Variants in CDC73 observed in about 807,000 individuals in gnomAD.
The protein encoded by CDC73 is parafibromin.
CDC73 carries 21 observed loss-of-function variants against 83.7 expected under a neutral mutation model. That is an observed-to-expected ratio of 0.25 (90% CI 0.18 to 0.36). The LOEUF (loss-of-function observed/expected upper bound fraction) is 0.36. Among genes scored for constraint, CDC73 ranks in the 10% least tolerant of loss-of-function variants. The pLI, the probability that CDC73 is intolerant of heterozygous loss-of-function variation, is 1.00. For missense variants in CDC73, 342 were observed against 653.3 expected (o/e 0.52, Z 5.19); for synonymous variants, 224 against 212.9 (o/e 1.05, Z -0.45).
At chr1:193,238,147 A>G (rs550487977) in intron 15 of CDC73, among the ~76,000 whole-genome samples, 513 of 152,296 alleles carry the variant, frequency 3.4e-3, no homozygotes, top group Non-Finnish European at 5.7e-3. Context: ...GAATTTAGAG[A>G]ATTTTAACAA....
intron 3 of CDC73, among the ~76,000 whole-genome samples, chr1:193,134,844 G>T (rs569596572): frequency 1.3e-5 from 2 of 152,250 alleles, no homozygotes; most frequent in African/African-American, 4.8e-5. Flanking sequence ...ACTCTAGAAG[G>T]ATATATAAGA....
At chr1:193,145,883 G>A (rs766281830) in intron 7 of CDC73, among the ~76,000 whole-genome samples, 7 of 152,180 alleles carry the variant, frequency 4.6e-5, no homozygotes. Context: ...GACCAGAGGT[G>A]CATTGGTCCT....
Position 193,251,776 on chromosome 1 carries a change from A to G in CDC73, c.*1064A>G, listed in dbSNP as rs1357998075. 4.3e-6 allele frequency: 1 copy of G among 231,824 alleles called. No homozygotes were observed. The highest frequency in any genetic ancestry group is 8.5e-6 in the Non-Finnish European group (1 of 117,002). The allele number at this position is 231,824 out of a possible 1,614,324, so 14.4% of individuals were successfully genotyped here. A position where few individuals can be genotyped will look rare whatever the true frequency, so the allele number is the denominator to read the frequency against. On this transcript the variant is annotated 3_prime_UTR_variant, in exon 17 of 17. Transcript: ENST00000367435. ...TAGTGAAATATTTTACTATTTCTCT[A>G]CTTCAGACAAAATGTTGCATCCAAG...
intron 5 of CDC73, among the ~76,000 whole-genome samples, chr1:193,136,811 C>T (rs974893381): frequency 2.6e-5 from 4 of 152,164 alleles, no homozygotes; most frequent in Non-Finnish European, 5.9e-5. Flanking sequence ...ACCTCGGCCT[C>T]CCGAAGTGCT....
chr1:193,254,434 A>C lies in CDC73; in HGVS notation c.*3722A>C, dbSNP rs1203242605. ...CCCAGCTATTCTAATGATAGAAATA[A>C]AAAGTGGAGAAATGACTAAAGTTGA... On this transcript the variant is annotated 3_prime_UTR_variant, in exon 17 of 17. Coordinates refer to ENST00000367435, the MANE Select transcript of CDC73 (RefSeq NM_024529.5). 6.6e-6 allele frequency among the ~76,000 whole-genome samples: 1 copy of C among 152,124 alleles called. No homozygotes were observed. The highest frequency in any genetic ancestry group is 1.5e-5 in the Non-Finnish European group (1 of 67,984).
intron 10 of CDC73, among the ~76,000 whole-genome samples, chr1:193,158,210 A>G (rs1046003360): frequency 2.6e-5 from 4 of 151,988 alleles, no homozygotes; most frequent in Non-Finnish European, 5.9e-5. Flanking sequence ...TGTTTTTGCA[A>G]CAACTATGTA....
At chr1:193,174,688 T>C (rs1440583912) in intron 10 of CDC73, among the ~76,000 whole-genome samples, 1 of 152,200 alleles carries the variant, frequency 6.6e-6, no homozygotes, top group African/African-American at 2.4e-5. Context: ...CAGTGTTTTC[T>C]TTCTCAGTAA....
At chr1:193,193,304 A>C (rs1676948909) in intron 10 of CDC73, among the ~76,000 whole-genome samples, 1 of 152,236 alleles carries the variant, frequency 6.6e-6, no homozygotes, top group Non-Finnish European at 1.5e-5. Context: ...TTCTTTGAAG[A>C]AACTGATAGC....
chr1:193,122,802 G>T (rs184324018), intron 1 of CDC73, among the ~76,000 whole-genome samples: 1 of 152,198 alleles, frequency 6.6e-6, no homozygotes, highest in East Asian at 1.9e-4. Context: ...CATTGTTGGG[G>T]TGGGGGTGAT....
chr1:193,183,022 TGAGA>T (rs752687787), intron 10 of CDC73, among the ~76,000 whole-genome samples: 20 of 152,022 alleles, frequency 1.3e-4, no homozygotes, highest in Non-Finnish European at 2.7e-4. Context: ...CCTGTGATAA[TGAGA>T]GAGTCATGGT....
rs141131532 is a variant in CDC73, at chr1:193,130,242, G to A, written c.306G>A (p.Ala102=). The A allele has an allele frequency of 1.6e-5, 25 of 1,543,350 alleles. No individual in the cohort carries two copies. Among genetic ancestry groups the A allele is most frequent in the African/African-American group, 1.1e-4 (8 of 73,512 alleles). ...KDLLGYLNGE[A]STSASIDRSA... is the part of the protein sequence containing the mutation. ...TACTTGGATATCTCAATGGTGAAGCGTGTGAGTACTTTTTAAATTGTTCCC... is the reference window on the plus strand; with the variant it reads ...TACTTGGATATCTCAATGGTGAAGCATGTGAGTACTTTTTAAATTGTTCCC... The change falls in exon 3 of 17, where the codon GCG becomes GCA. Residue 102 remains alanine, a splice_region_variant and synonymous_variant. Transcript: ENST00000367435.
intron 13 of CDC73, among the ~76,000 whole-genome samples, chr1:193,219,770 C>G (rs1198908858): frequency 6.6e-6 from 1 of 152,192 alleles, no homozygotes; most frequent in East Asian, 1.9e-4. Context: ...TCAAAAATAC[C>G]TGTTGTGTAC....
intron 8 of CDC73, 35 bp downstream of exon 8, chr1:193,148,000 T>C (rs780783800): frequency 4.4e-6 from 6 of 1,371,894 alleles, no homozygotes; most frequent in Middle Eastern, 1.8e-4. Flanking sequence ...GTAGATTTAA[T>C]GAAGTTGCCA....
intron 1 of CDC73, chr1:193,122,679 G>A (rs1382572628): frequency 4.9e-6 from 1 of 202,752 alleles, no homozygotes; most frequent in African/African-American, 2.3e-5. Context: ...GGAGCACACC[G>A]TCTGGTGCCG....
chr1:193,178,956 CTATTT>C (rs948837934), intron 10 of CDC73: 5 of 152,078 alleles, frequency 3.3e-5, no homozygotes, highest in African/African-American at 9.7e-5. Context: ...AATAAAAACA[CTATTT>C]TAGTTAGTAG....
chr1:193,220,550 G>C (rs1464712217), intron 13 of CDC73, among the ~76,000 whole-genome samples: 1 of 152,092 alleles, frequency 6.6e-6, no homozygotes, highest in Non-Finnish European at 1.5e-5. Flanking sequence ...GTGGATTTCA[G>C]GTTTCACTAA....
chr1:193,242,299 T>C (rs1274268336), intron 15 of CDC73, among the ~76,000 whole-genome samples: 1 of 152,164 alleles, frequency 6.6e-6, no homozygotes, highest in African/African-American at 2.4e-5. Context: ...TCTAGGCAGC[T>C]TTCTGTGTTG....
chr1:193,181,720 G>T, intron 10 of CDC73: 2 of 664,746 alleles, frequency 3.0e-6, no homozygotes, highest in Non-Finnish European at 4.9e-6. Context: ...AGAACTGCCT[G>T]AAAGGGACTT....
chr1:193,177,317 G>A (rs201091236), intron 10 of CDC73, among the ~76,000 whole-genome samples: 4 of 132,630 alleles, frequency 3.0e-5, no homozygotes, highest in Non-Finnish European at 6.2e-5. Flanking sequence ...GATCGAGACC[G>A]TCCTGGCTAA....
Sources: gnomAD v4.1 joint callset for allele counts (sites outside exome capture counted in the v4.1 genomes callset) on GRCh38, gnomAD v4.1.1 for gene constraint, MANE v1.5 for transcripts, NCBI Gene and HGNC (gene_info 2026-07-23, HGNC 2026-07-21) for gene names.